Variants in EYA1 observed in about 807,000 individuals in gnomAD.
EYA1 encodes protein phosphatase EYA1.
In EYA1, 16 loss-of-function variants were observed where a neutral mutation model predicts 82.0. The ratio of observed to expected loss-of-function variants is 0.20; its 90% CI spans 0.13 to 0.30. EYA1 has a LOEUF of 0.30. EYA1 is among the 10% of genes least tolerant of loss of function. EYA1 has a pLI of 1.00. For missense variants in EYA1, 633 were observed against 730.7 expected (o/e 0.87, Z 1.54); for synonymous variants, 261 against 264.4 (o/e 0.99, Z 0.12).
Position 71,356,486 on chromosome 8 carries a change from T to C in EYA1, c.-29A>G, listed in dbSNP as rs1826892546. 28 of 1,583,996 alleles carry C rather than the reference T, an allele frequency of 1.8e-5. No individual in the cohort carries two copies. Among genetic ancestry groups the C allele is most frequent in the Non-Finnish European group, 2.3e-5 (27 of 1,164,006 alleles). ...CCTGCAACTTGAGGAAACAGCAACA[T>C]CTGAACTGGCTTGAGATGTTTGCAC... On this transcript the variant is annotated 5_prime_UTR_variant, in exon 2 of 18. It removes an upstream start codon present in the reference 5' UTR. Transcript: ENST00000340726.
chr8:71,235,035 T>C (rs1314051296), intron 12 of EYA1, among the ~76,000 whole-genome samples: 1 of 152,104 alleles, frequency 6.6e-6, no homozygotes, highest in African/African-American at 2.4e-5. Flanking sequence ...CATTAGCAAA[T>C]TCTGCCCATA....
intron 2 of EYA1, among the ~76,000 whole-genome samples, chr8:71,501,945 T>G (rs1453471992): frequency 6.6e-6 from 1 of 152,222 alleles, no homozygotes; most frequent in Non-Finnish European, 1.5e-5. Flanking sequence ...AACACCATAA[T>G]TTTTTAGACT....
chr8:71,361,474 C>A (rs1326162438), intron 1 of EYA1, among the ~76,000 whole-genome samples, 173 bp downstream of exon 1: 1 of 152,210 alleles, frequency 6.6e-6, no homozygotes, highest in Non-Finnish European at 1.5e-5. Context: ...GGATGAAACC[C>A]TGTGGCTCAT....
intron 4 of EYA1, among the ~76,000 whole-genome samples, chr8:71,328,551 C>G (rs1218138007): frequency 6.6e-6 from 1 of 152,138 alleles, no homozygotes; most frequent in Non-Finnish European, 1.5e-5. Context: ...TCCTGTGTAT[C>G]TTTTTCAAGT....
At chr8:71,537,012 T>A (rs758124082) in intron 1 of EYA1, among the ~76,000 whole-genome samples, 1 of 152,372 alleles carries the variant, frequency 6.6e-6, no homozygotes, top group African/African-American at 2.4e-5. Flanking sequence ...AATGAGTCTA[T>A]GTATTTCACA....
rs550507600 is a variant in EYA1, at chr8:71,380,823, C to T, written c.34-24312G>A. ...TTCAAGCTGGAAACATACAGATTTT[C>T]TTTTCCTGTTTCTTCTCCACATCCA... On this transcript the variant is annotated intron_variant, in intron 2 of 18. Coordinates refer to the EYA1 transcript ENST00000643681. Among the ~76,000 whole-genome samples, 12 of 152,350 alleles carry T rather than the reference C, an allele frequency of 7.9e-5. No homozygotes were observed. The South Asian group carries it at 2.5e-3, about 32-fold the overall frequency.
chr8:71,264,680 C>T (rs186821195), intron 11 of EYA1, among the ~76,000 whole-genome samples: 13 of 151,802 alleles, frequency 8.6e-5, no homozygotes, highest in African/African-American at 2.4e-4. Flanking sequence ...CAGGCTCAAG[C>T]GATCCTCCTA....
In EYA1 at chr8:71,215,414, C is replaced by G; in HGVS notation, c.1570G>C (p.Glu524Gln). The G allele has an allele frequency of 1.9e-6, 3 of 1,613,178 alleles. No homozygotes were observed. Among genetic ancestry groups the G allele is most frequent in the Non-Finnish European group, 2.5e-6 (3 of 1,179,172 alleles). Residue 524 changes from glutamate to glutamine, a missense_variant, in exon 16 of 18, where the codon GAA becomes CAA. Transcript: ENST00000340726. Reference sequence around the variant, plus strand: ...ATTTTAGTTGCACTGTAAATATTTTCTATTGGAAATACAATTCCTAACCCA... The same window carrying G: ...ATTTTAGTTGCACTGTAAATATTTTGTATTGGAAATACAATTCCTAACCCA... The part of the protein sequence containing the change: ...LYGLGIVFPI[E>Q]NIYSATKIGK...
chr8:71,317,278 C>T (rs964293638), intron 7 of EYA1, among the ~76,000 whole-genome samples: 2 of 152,142 alleles, frequency 1.3e-5, no homozygotes, highest in Admixed American at 1.3e-4. Flanking sequence ...TGACAGAAGA[C>T]ACAAAGGCAA....
chr8:71,223,242 G>GA (rs1057269689), intron 12 of EYA1, among the ~76,000 whole-genome samples: 38 of 152,298 alleles, frequency 2.5e-4, no homozygotes, highest in Admixed American at 7.8e-4. Context: ...AGGGGAAGCT[G>GA]AAAAGAGGGC....
chr8:71,231,174 T>C (rs1811148045), intron 12 of EYA1, among the ~76,000 whole-genome samples: 1 of 152,226 alleles, frequency 6.6e-6, no homozygotes, highest in South Asian at 2.1e-4. Context: ...AGCTTTCACA[T>C]CAGCCCCTGT....
At chr8:71,475,067 G>C (rs1809544573) in intron 2 of EYA1, among the ~76,000 whole-genome samples, 1 of 152,114 alleles carries the variant, frequency 6.6e-6, no homozygotes, top group South Asian at 2.1e-4. Context: ...GGGATGCAGA[G>C]GTTTCAGTGA....
intron 3 of EYA1, among the ~76,000 whole-genome samples, chr8:71,344,121 ATT>A (rs944989140): frequency 6.6e-6 from 1 of 152,150 alleles, no homozygotes; most frequent in Non-Finnish European, 1.5e-5. Context: ...GTTCATATTT[ATT>A]TTTGACTTTT....
intron 3 of EYA1, among the ~76,000 whole-genome samples, chr8:71,344,886 C>T (rs1825541552): frequency 6.6e-6 from 1 of 152,160 alleles, no homozygotes. Context: ...ACTAAATGTA[C>T]ATCTCAGATC....
At chr8:71,321,915 T>C (rs1235843270) in intron 5 of EYA1, 36 bp from the exon 6 acceptor site, 6 of 1,613,712 alleles carry the variant, frequency 3.7e-6, no homozygotes, top group East Asian at 2.2e-5. Context: ...AGAAAGCCCA[T>C]GCATTAGATG....
intron 12 of EYA1, among the ~76,000 whole-genome samples, chr8:71,221,836 TG>T (rs1809960101): frequency 1.3e-5 from 2 of 152,258 alleles, no homozygotes; most frequent in South Asian, 4.1e-4. Context: ...TATGACCTTC[TG>T]GGGGCACTCC....
chr8:71,340,220 T>TC (rs890506884), intron 3 of EYA1, among the ~76,000 whole-genome samples: 1 of 152,182 alleles, frequency 6.6e-6, no homozygotes, highest in African/African-American at 2.4e-5. Flanking sequence ...GTATTTAAGG[T>TC]CCCCCCATAC....
chr8:71,540,008 T>A (rs1241680780), intron 1 of EYA1, among the ~76,000 whole-genome samples: 1 of 152,232 alleles, frequency 6.6e-6, no homozygotes, highest in East Asian at 1.9e-4. Flanking sequence ...GTAATTATAC[T>A]GCTAAGAGTT....
At chr8:71,389,695 T>C (rs564726337) in intron 2 of EYA1, among the ~76,000 whole-genome samples, 2 of 152,212 alleles carry the variant, frequency 1.3e-5, no homozygotes, top group Non-Finnish European at 2.9e-5. Context: ...TGGTGACAGA[T>C]ACATGTTAAA....
Sources: allele counts gnomAD v4.1 joint callset (sites outside exome capture counted in the v4.1 genomes callset), GRCh38; gene constraint gnomAD v4.1.1; transcripts MANE v1.5; gene names NCBI Gene and HGNC (gene_info 2026-07-23, HGNC 2026-07-21).